PRKCH: variants seen among roughly 807,000 people sequenced by gnomAD.
PRKCH encodes protein kinase C eta, also known as protein kinase C eta type.
A neutral mutation model predicts 82.5 loss-of-function variants in PRKCH; 28 were observed. That is an observed-to-expected ratio of 0.34 (90% CI 0.25 to 0.47). PRKCH has a LOEUF of 0.47. PRKCH is among the 20% of genes least tolerant of loss of function. The pLI, the probability that PRKCH is intolerant of heterozygous loss-of-function variation, is 1.00. For synonymous variants in PRKCH, 322 were observed against 327.4 expected (o/e 0.98, Z 0.18); for missense variants, 705 against 881.8 (o/e 0.80, Z 2.54).
chr14:61,358,259 G>T (rs2046177789), intron 1 of PRKCH, among the ~76,000 whole-genome samples: 1 of 152,150 alleles, frequency 6.6e-6, no homozygotes, highest in African/African-American at 2.4e-5. Flanking sequence ...TTTGTACAGT[G>T]CCTGGCTCAG....
At chr14:61,338,563 A>C (rs2089969207) in intron 1 of PRKCH, among the ~76,000 whole-genome samples, 1 of 152,178 alleles carries the variant, frequency 6.6e-6, no homozygotes, top group African/African-American at 2.4e-5. Context: ...GGAAAAAGCG[A>C]GACTGAAACC....
intron 1 of PRKCH, among the ~76,000 whole-genome samples, chr14:61,368,001 A>G (rs2046319442): frequency 6.6e-6 from 1 of 151,978 alleles, no homozygotes; most frequent in Non-Finnish European, 1.5e-5. Context: ...GGCGTGAGCC[A>G]CCGCGCCCAG....
At chr14:61,440,852 G>A (rs1234295750) in intron 2 of PRKCH, among the ~76,000 whole-genome samples, 1 of 151,806 alleles carries the variant, frequency 6.6e-6, no homozygotes, top group Non-Finnish European at 1.5e-5. Flanking sequence ...CCAGCCTGGT[G>A]ACAGAGTTAA....
intron 1 of PRKCH, among the ~76,000 whole-genome samples, chr14:61,330,444 A>G (rs1033522377): frequency 3.3e-5 from 5 of 152,222 alleles, no homozygotes; most frequent in Non-Finnish European, 7.3e-5. Context: ...TTGTGAACAG[A>G]TGACCTGCAA....
intron 1 of PRKCH, among the ~76,000 whole-genome samples, chr14:61,229,774 G>C (rs1294231190): frequency 6.6e-6 from 1 of 152,120 alleles, no homozygotes; most frequent in Non-Finnish European, 1.5e-5. Context: ...CCCATCGATA[G>C]AAATGGGCTC....
At chr14:61,378,240 G>C (rs1420789894) in intron 1 of PRKCH, among the ~76,000 whole-genome samples, 1 of 118,086 alleles carries the variant, frequency 8.5e-6, no homozygotes, top group Non-Finnish European at 1.8e-5. Flanking sequence ...TTTTTTTTGA[G>C]ACAGCATCTC....
At chr14:61,519,887 AAT>A in intron 10 of PRKCH, among the ~76,000 whole-genome samples, 1 of 152,036 alleles carries the variant, frequency 6.6e-6, no homozygotes, top group East Asian at 1.9e-4. Flanking sequence ...AAAAAAAAAA[AAT>A]GAGCTGATGG....
At chr14:61,224,833 A>G (rs2044684441) in intron 1 of PRKCH, among the ~76,000 whole-genome samples, 1 of 152,102 alleles carries the variant, frequency 6.6e-6, no homozygotes, top group Middle Eastern at 3.2e-3. Flanking sequence ...CAGCAGCTGC[A>G]CTCAAGAGTG....
intron 9 of PRKCH, among the ~76,000 whole-genome samples, chr14:61,466,643 G>A (rs986700028): frequency 2.0e-5 from 3 of 152,188 alleles, no homozygotes; most frequent in Non-Finnish European, 4.4e-5. Flanking sequence ...GCCAGTGCCC[G>A]AAACAGCCTC....
intron 2 of PRKCH, among the ~76,000 whole-genome samples, chr14:61,422,224 T>C (rs1186644650): frequency 6.6e-6 from 1 of 152,110 alleles, no homozygotes; most frequent in African/African-American, 2.4e-5. Context: ...GCTGGGGCTA[T>C]AGGCATGTAC....
intron 10 of PRKCH, among the ~76,000 whole-genome samples, chr14:61,499,449 A>G (rs1256171432): frequency 1.3e-5 from 2 of 152,088 alleles, no homozygotes; most frequent in African/African-American, 4.8e-5. Context: ...CTGGTTTGCT[A>G]GGTGTGTGGC....
At chr14:61,343,443 C>A (rs146903383) in intron 1 of PRKCH, among the ~76,000 whole-genome samples, 2 of 147,902 alleles carry the variant, frequency 1.4e-5, no homozygotes, top group East Asian at 4.0e-4. Flanking sequence ...TCTTATGGAA[C>A]TATAAAAGGA....
At chr14:61,230,248 C>T (rs1422658106) in intron 1 of PRKCH, among the ~76,000 whole-genome samples, 3 of 152,164 alleles carry the variant, frequency 2.0e-5, no homozygotes, top group Non-Finnish European at 4.4e-5. Context: ...TTGTCTTTCA[C>T]CTCATTCGGA....
chr14:61,402,888 T>G (rs887368299), intron 2 of PRKCH, among the ~76,000 whole-genome samples: 68 of 151,806 alleles, frequency 4.5e-4, no homozygotes, highest in Admixed American at 1.2e-3. Flanking sequence ...TTATTTATTA[T>G]TATTAGACTT....
chr14:61,499,046 G>A (rs1274277113), intron 10 of PRKCH, among the ~76,000 whole-genome samples: 2 of 152,102 alleles, frequency 1.3e-5, no homozygotes, highest in African/African-American at 2.4e-5. Flanking sequence ...GGATTAGACC[G>A]AGGCGTTGTC....
chr14:61,300,156 A>T (rs2045438124), intron 1 of PRKCH, among the ~76,000 whole-genome samples: 1 of 152,026 alleles, frequency 6.6e-6, no homozygotes, highest in Non-Finnish European at 1.5e-5. Context: ...GAACTGGAGC[A>T]TTTTTGAGCA....
chr14:61,262,656 C>T (rs75315794), intron 1 of PRKCH, among the ~76,000 whole-genome samples: 6,949 of 152,020 alleles, frequency 0.046, 201 homozygotes, highest in Non-Finnish European at 0.065. Flanking sequence ...TGGAGCTGAA[C>T]ACCTAAGATC....
At chr14:61,377,570 G>A (rs2046442525) in intron 1 of PRKCH, among the ~76,000 whole-genome samples, 2 of 152,178 alleles carry the variant, frequency 1.3e-5, no homozygotes, top group African/African-American at 4.8e-5. Flanking sequence ...GTCTTCATGG[G>A]CCATAAGGTC....
chr14:61,217,765 G>A (rs1005667676), intron 1 of PRKCH, among the ~76,000 whole-genome samples: 6 of 152,198 alleles, frequency 3.9e-5, no homozygotes, highest in Non-Finnish European at 8.8e-5. Context: ...ACACAGATGT[G>A]CACTCAGTAT....
Sources: allele counts gnomAD v4.1 joint callset (sites outside exome capture counted in the v4.1 genomes callset), GRCh38; gene constraint gnomAD v4.1.1; transcripts MANE v1.5; gene names NCBI Gene and HGNC (gene_info 2026-07-23, HGNC 2026-07-21).